Variants in SAMD5 observed in about 807,000 individuals in gnomAD.
SAMD5 encodes the protein sterile alpha motif domain containing 5, also known as sterile alpha motif domain-containing protein 5.
SAMD5 carries 13 observed loss-of-function variants against 11.3 expected under a neutral mutation model. The ratio of observed to expected loss-of-function variants is 1.15; its 90% CI spans 0.75 to 1.83. SAMD5 has a LOEUF of 1.83. Among genes scored for constraint, SAMD5 ranks in the 40% most tolerant of loss-of-function variants. The pLI, the probability that SAMD5 is intolerant of heterozygous loss-of-function variation, is 0.00. For missense variants in SAMD5, 255 were observed against 239.1 expected, an observed-to-expected ratio of 1.07 and a Z score of -0.44; for synonymous variants, 129 against 111.3, an observed-to-expected ratio of 1.16 and a Z score of -1.00.
At chr6:147,926,580 T>C in the SAMD5 span, among the ~76,000 whole-genome samples, 1 of 152,218 alleles carries the variant, frequency 6.6e-6, no homozygotes. Context: ...ATTAGACTTT[T>C]GTCAGATGTA....
the SAMD5 span, among the ~76,000 whole-genome samples, chr6:147,795,344 C>T: frequency 7.0e-6 from 1 of 142,766 alleles, no homozygotes; most frequent in Admixed American, 6.9e-5. Flanking sequence ...CGATAGTTTA[C>T]TCAGAATGAT....
chr6:147,915,267 A>G, the SAMD5 span, among the ~76,000 whole-genome samples: 2 of 152,212 alleles, frequency 1.3e-5, no homozygotes, highest in East Asian at 1.9e-4. Flanking sequence ...ACACCCTCCA[A>G]TAGTTCTGAG....
the SAMD5 span, among the ~76,000 whole-genome samples, chr6:147,834,383 G>A: frequency 6.6e-6 from 1 of 152,150 alleles, no homozygotes; most frequent in African/African-American, 2.4e-5. Flanking sequence ...TTGTTTTGAA[G>A]AAGCATTCAT....
downstream of SAMD5, among the ~76,000 whole-genome samples, chr6:147,572,911 C>A (rs951800509): frequency 6.6e-6 from 1 of 152,110 alleles, no homozygotes; most frequent in Non-Finnish European, 1.5e-5. Context: ...ATAATTATTT[C>A]TTCCCCAAAG....
chr6:147,683,496 C>T (rs1266437496), intron 1 of SAMD5, among the ~76,000 whole-genome samples: 1 of 151,840 alleles, frequency 6.6e-6, no homozygotes, highest in African/African-American at 2.4e-5. Context: ...ATTTTTTTAC[C>T]ACTTTGTCAG....
chr6:147,677,594 AG>A (rs1364283989), intron 1 of SAMD5, among the ~76,000 whole-genome samples: 4 of 152,148 alleles, frequency 2.6e-5, no homozygotes, highest in African/African-American at 9.7e-5. Context: ...AAACCCCAAG[AG>A]GATGAAGCCT....
intron 1 of SAMD5, among the ~76,000 whole-genome samples, chr6:147,600,540 C>T (rs1473720038): frequency 1.3e-5 from 2 of 152,214 alleles, no homozygotes; most frequent in South Asian, 2.1e-4. Context: ...GTTCCCTGAT[C>T]TCAGATTTGT....
chr6:147,785,099 G>A, the SAMD5 span, among the ~76,000 whole-genome samples: 1 of 152,122 alleles, frequency 6.6e-6, no homozygotes, highest in Non-Finnish European at 1.5e-5. Context: ...TTCTCAAAAA[G>A]AGGTATGAGC....
intron 1 of SAMD5, chr6:147,729,656 A>G: frequency 5.1e-6 from 2 of 395,908 alleles, no homozygotes; most frequent in South Asian, 3.7e-5. Context: ...TGGAGCCGCC[A>G]AGGGAGGACT....
At chr6:147,744,623 C>T in the SAMD5 span, among the ~76,000 whole-genome samples, 1 of 152,142 alleles carries the variant, frequency 6.6e-6, no homozygotes, top group African/African-American at 2.4e-5. Flanking sequence ...CCAGGCTGGG[C>T]GCGGTGGCTC....
chr6:147,666,083 C>T (rs1386305322), intron 1 of SAMD5, among the ~76,000 whole-genome samples: 2 of 152,194 alleles, frequency 1.3e-5, no homozygotes, highest in Non-Finnish European at 2.9e-5. Context: ...GGACTACAGG[C>T]GCCCGCCAAC....
chr6:147,619,582 G>A (rs1789927498), intron 1 of SAMD5, among the ~76,000 whole-genome samples: 1 of 152,196 alleles, frequency 6.6e-6, no homozygotes, highest in Admixed American at 6.5e-5. Context: ...TAAATAAATA[G>A]AATTGAAGAA....
chr6:147,939,506 C>G, the SAMD5 span, among the ~76,000 whole-genome samples: 1 of 152,146 alleles, frequency 6.6e-6, no homozygotes, highest in Non-Finnish European at 1.5e-5. Flanking sequence ...TCCTATCACC[C>G]AAGAAATTCC....
At chr6:147,551,754 A>G (rs1788774842) in intron 1 of SAMD5, among the ~76,000 whole-genome samples, 1 of 149,802 alleles carries the variant, frequency 6.7e-6, no homozygotes, top group African/African-American at 2.4e-5. Flanking sequence ...AACGAAATGA[A>G]AAGCACAGAA....
At chr6:147,690,583 A>G (rs1337636908) in intron 1 of SAMD5, among the ~76,000 whole-genome samples, 1 of 152,178 alleles carries the variant, frequency 6.6e-6, no homozygotes, top group Non-Finnish European at 1.5e-5. Context: ...CAGGAGGCAG[A>G]GGTTGCAGTG....
rs79508818 is a variant in SAMD5, at chr6:147,609,551, T to A, written c.162+100164T>A. Among the ~76,000 whole-genome samples the A allele has an allele frequency of 5.8e-3, 890 of 152,304 alleles. 8 individuals carry two copies. The highest frequency in any genetic ancestry group is 0.04 in the East Asian group (209 of 5,186). On this transcript the variant is annotated intron_variant, in intron 1 of 1. Coordinates refer to the SAMD5 transcript ENST00000566741. ...TAAGGGGAGAACATATTTAATCTTT[T>A]TTTTTAAATTTTCTTTGAGACGGAA...
chr6:147,515,192 T>TG (rs1242446737), intron 1 of SAMD5, among the ~76,000 whole-genome samples: 2 of 141,106 alleles, frequency 1.4e-5, no homozygotes, highest in Non-Finnish European at 3.1e-5. Context: ...TTTTTTTTTT[T>TG]TTTTTTTTTT....
At chr6:147,888,886 A>T in the SAMD5 span, among the ~76,000 whole-genome samples, 1 of 19,028 alleles carries the variant, frequency 5.3e-5, no homozygotes, top group South Asian at 2.3e-3. Flanking sequence ...ACTCCATCTC[A>T]AAAAAAAAAA....
At chr6:147,773,195 C>T in the SAMD5 span, among the ~76,000 whole-genome samples, 1 of 152,194 alleles carries the variant, frequency 6.6e-6, no homozygotes, top group African/African-American at 2.4e-5. Context: ...TCTTGGGGTA[C>T]ACATTATTTA....
Sources: gnomAD v4.1 joint callset for allele counts (sites outside exome capture counted in the v4.1 genomes callset) on GRCh38, gnomAD v4.1.1 for gene constraint, MANE v1.5 for transcripts, NCBI Gene and HGNC (gene_info 2026-07-23, HGNC 2026-07-21) for gene names.